The following PLCXD3 variants were observed in gnomAD, a reference collection of about 807,000 sequenced individuals.
The protein encoded by PLCXD3 is phosphatidylinositol specific phospholipase C X domain containing 3.
PLCXD3 carries 19 observed loss-of-function variants against 25.5 expected under a neutral mutation model. The observed-to-expected ratio is 0.75, with a 90% CI of 0.52 to 1.09. The LOEUF (loss-of-function observed/expected upper bound fraction) is 1.09, where lower values mean the gene tolerates loss of function less well. Ranked by LOEUF, PLCXD3 falls within the 50% of genes least tolerant of loss-of-function variation. The pLI, the probability that PLCXD3 is intolerant of heterozygous loss-of-function variation, is 0.00. For synonymous variants in PLCXD3, 174 were observed against 137.6 expected (o/e 1.26, Z -1.85); for missense variants, 411 against 388.1 (o/e 1.06, Z -0.50).
At chr5:41,426,653 C>T (rs1351644203) in intron 1 of PLCXD3, among the ~76,000 whole-genome samples, 2 of 151,978 alleles carry the variant, frequency 1.3e-5, no homozygotes, top group African/African-American at 4.8e-5. Context: ...AATTTTATTT[C>T]TACTTTGCTT....
chr5:41,449,715 C>T (rs897481146), intron 1 of PLCXD3, among the ~76,000 whole-genome samples: 1 of 151,994 alleles, frequency 6.6e-6, no homozygotes, highest in African/African-American at 2.4e-5. Flanking sequence ...GTTATCTCAC[C>T]TGGAGATTGA....
rs1048215333 is a variant in PLCXD3, at chr5:41,449,686, A to G, written c.103+60738T>C. 6.6e-5 allele frequency among the ~76,000 whole-genome samples: 10 copies of G among 152,214 alleles called. No individual in the cohort carries two copies. In the South Asian group the frequency reaches 1.9e-3, roughly 28 times the overall value. On this transcript the variant is annotated intron_variant, in intron 1 of 2. Coordinates refer to ENST00000377801, the MANE Select transcript of PLCXD3 (RefSeq NM_001005473.3). ...ATCCTACTGGGAATACCTAGGACAT[A>G]CTATAGGAGTGCCTCAGAGTTATCT... is the stretch of plus-strand genomic sequence containing the variant.
intron 1 of PLCXD3, among the ~76,000 whole-genome samples, chr5:41,490,599 C>A (rs1417824613): frequency 6.6e-6 from 1 of 152,170 alleles, no homozygotes; most frequent in East Asian, 1.9e-4. Flanking sequence ...TTGATTATTG[C>A]CACAATTTCA....
At position 41,480,525 on chromosome 5, in the gene PLCXD3, C is replaced by CT. The variant is rs377261159; in HGVS notation, c.103+29898dup. Among the ~76,000 whole-genome samples, 367 of 144,144 alleles carry CT rather than the reference C, an allele frequency of 2.5e-3. 1 individual carries two copies. Among genetic ancestry groups the CT allele is most frequent in the African/African-American group, 8.0e-3 (316 of 39,446 alleles). The allele number at this position is 144,144 out of a possible 152,430, so 94.6% of individuals were successfully genotyped here. On this transcript the variant is annotated intron_variant, in intron 1 of 2. Coordinates refer to ENST00000377801, the MANE Select transcript of PLCXD3 (RefSeq NM_001005473.3). ...TTCAGGGTTTAAGGCATTAAGAAAA[C>CT]TTTTTTTTTTTAATCTCACTCTTGT...
chr5:41,480,335 A>G (rs1031334835), intron 1 of PLCXD3, among the ~76,000 whole-genome samples: 4 of 151,712 alleles, frequency 2.6e-5, no homozygotes, highest in African/African-American at 9.7e-5. Flanking sequence ...TGAGTATAAC[A>G]TCAGGATTTA....
At chr5:41,386,726 T>C (rs182895474) in intron 1 of PLCXD3, among the ~76,000 whole-genome samples, 24 of 152,136 alleles carry the variant, frequency 1.6e-4, no homozygotes, top group Non-Finnish European at 5.9e-5. Context: ...GCAATGGAAG[T>C]CATTAATAGC....
At chr5:41,364,226 C>T (rs769920996) in intron 2 of PLCXD3, among the ~76,000 whole-genome samples, 6 of 152,152 alleles carry the variant, frequency 3.9e-5, no homozygotes, top group South Asian at 2.1e-4. Context: ...CTTCCCGCAA[C>T]GAATTACCTT....
intron 2 of PLCXD3, among the ~76,000 whole-genome samples, chr5:41,315,519 G>A (rs1047251113): frequency 1.3e-5 from 2 of 152,080 alleles, no homozygotes; most frequent in Non-Finnish European, 2.9e-5. Flanking sequence ...CCCCTGCAAG[G>A]TCATCGTCCT....
chr5:41,330,204 CTAAT>C lies in PLCXD3; in HGVS notation c.813-16438_813-16435del, dbSNP rs762704345. ...TGTCAATGATAGACCGCTAGCAAGACTAATAAAGAAAAAAAGAGAGAAGAATCAA... is the reference window on the plus strand; with the variant it reads ...TGTCAATGATAGACCGCTAGCAAGACAAAGAAAAAAAGAGAGAAGAATCAA... On this transcript the variant is annotated intron_variant, in intron 2 of 2. Transcript: ENST00000377801. Among the ~76,000 whole-genome samples, 15 of 151,380 alleles carry C rather than the reference CTAAT, an allele frequency of 9.9e-5. 1 individual carries two copies. The highest frequency in any genetic ancestry group is 5.9e-4 in the Admixed American group (9 of 15,212).
chr5:41,413,761 A>T (rs888009891), intron 1 of PLCXD3, among the ~76,000 whole-genome samples: 1 of 152,164 alleles, frequency 6.6e-6, no homozygotes, highest in Non-Finnish European at 1.5e-5. Context: ...GTAGGCTTTG[A>T]TTCTCAGTAC....
At chr5:41,324,713 C>A (rs535102698) in intron 2 of PLCXD3, among the ~76,000 whole-genome samples, 93 of 152,330 alleles carry the variant, frequency 6.1e-4, no homozygotes, top group African/African-American at 2.2e-3. Context: ...CTTGCTAGAA[C>A]AGATGAAGTG....
chr5:41,336,771 C>G (rs1212351929), intron 2 of PLCXD3, among the ~76,000 whole-genome samples: 1 of 152,188 alleles, frequency 6.6e-6, no homozygotes, highest in Non-Finnish European at 1.5e-5. Flanking sequence ...AGATCCCCCA[C>G]AGCTCCTGCA....
intron 2 of PLCXD3, among the ~76,000 whole-genome samples, chr5:41,373,385 A>G (rs111442485): frequency 0.016 from 2,408 of 152,208 alleles, 66 homozygotes; most frequent in African/African-American, 0.056. Context: ...TGAACATGGG[A>G]CTTATGAAAT....
chr5:41,341,085 ATGT>A (rs1744135484), intron 2 of PLCXD3, among the ~76,000 whole-genome samples: 1 of 152,168 alleles, frequency 6.6e-6, no homozygotes, highest in Non-Finnish European at 1.5e-5. Context: ...AAAGTTTATA[ATGT>A]TGATTTATTT....
intron 1 of PLCXD3, among the ~76,000 whole-genome samples, chr5:41,410,353 C>T (rs1042768619): frequency 4.6e-5 from 7 of 151,858 alleles, no homozygotes; most frequent in Non-Finnish European, 8.8e-5. Context: ...CCATGTTGGC[C>T]GGTATGGTCT....
intron 1 of PLCXD3, among the ~76,000 whole-genome samples, chr5:41,494,209 C>T (rs374810876): frequency 1.4e-4 from 21 of 152,306 alleles, no homozygotes; most frequent in Admixed American, 9.8e-4. Context: ...AATCATTCTG[C>T]CTCAGCCTCC....
chr5:41,353,620 G>GA (rs1209743843), intron 2 of PLCXD3, among the ~76,000 whole-genome samples: 1 of 152,064 alleles, frequency 6.6e-6, no homozygotes, highest in Non-Finnish European at 1.5e-5. Context: ...GAGCAAAAGA[G>GA]AAAAAAATCC....
At chr5:41,332,638 T>C (rs956305023) in intron 2 of PLCXD3, among the ~76,000 whole-genome samples, 1 of 152,094 alleles carries the variant, frequency 6.6e-6, no homozygotes, top group Non-Finnish European at 1.5e-5. Flanking sequence ...TAAAGACACA[T>C]GCACACATAT....
chr5:41,446,217 AGTGAGGGTTGGGGTTTG>A (rs1747500268), intron 1 of PLCXD3, among the ~76,000 whole-genome samples: 1 of 147,212 alleles, frequency 6.8e-6, no homozygotes. Context: ...ACGAGAGAAT[AGTGAGGGTTGGGGTTTG>A]GTGGGGCAGG....
Sources: gnomAD v4.1 joint callset for allele counts (sites outside exome capture counted in the v4.1 genomes callset) on GRCh38, gnomAD v4.1.1 for gene constraint, MANE v1.5 for transcripts, NCBI Gene and HGNC (gene_info 2026-07-23, HGNC 2026-07-21) for gene names.